The following KCNG3 variants were observed in gnomAD, a reference collection of about 807,000 sequenced individuals.
KCNG3 encodes voltage-gated potassium channel regulatory subunit KCNG3.
A neutral mutation model predicts 29.0 loss-of-function variants in KCNG3; 15 were observed. The observed-to-expected ratio is 0.52, with a 90% CI of 0.35 to 0.80. The LOEUF (loss-of-function observed/expected upper bound fraction) is 0.80, where lower values mean the gene tolerates loss of function less well. KCNG3 is among the 30% of genes least tolerant of loss of function. KCNG3 has a pLI of 0.01. For missense variants in KCNG3, 512 were observed against 605.7 expected (o/e 0.85, Z 1.62); for synonymous variants, 322 against 248.9 (o/e 1.29, Z -2.76).
intron 1 of KCNG3, among the ~76,000 whole-genome samples, chr2:42,486,299 C>A (rs746955984): frequency 2.0e-5 from 3 of 152,226 alleles, no homozygotes; most frequent in Non-Finnish European, 4.4e-5. Context: ...ACATAATTCA[C>A]CTGAATCCAG....
At chr2:42,400,614 G>A in the KCNG3 span, among the ~76,000 whole-genome samples, 1 of 152,148 alleles carries the variant, frequency 6.6e-6, no homozygotes, top group Non-Finnish European at 1.5e-5. Context: ...GAAGTTCATA[G>A]TTTTTATTAA....
intron 1 of KCNG3, among the ~76,000 whole-genome samples, chr2:42,477,225 A>G (rs1342928988): frequency 1.3e-5 from 2 of 150,562 alleles, no homozygotes; most frequent in Admixed American, 6.6e-5. Context: ...GTACTGATTA[A>G]AAAAAAATAC....
At chr2:42,410,149 ATTG>A in the KCNG3 span, among the ~76,000 whole-genome samples, 1 of 152,052 alleles carries the variant, frequency 6.6e-6, no homozygotes, top group African/African-American at 2.4e-5. Context: ...CTACTTCTTT[ATTG>A]TTGTTACCTA....
chr2:42,445,790 G>C (rs758903225), intron 1 of KCNG3, among the ~76,000 whole-genome samples: 2 of 150,582 alleles, frequency 1.3e-5, no homozygotes, highest in South Asian at 2.1e-4. Flanking sequence ...GCAGTGGCAC[G>C]ATCTCAGCTC....
At chr2:42,472,861 A>G (rs1359535019) in intron 1 of KCNG3, among the ~76,000 whole-genome samples, 1 of 147,088 alleles carries the variant, frequency 6.8e-6, no homozygotes, top group East Asian at 2.0e-4. Context: ...TATATAATCT[A>G]TAAATATATA....
At chr2:42,431,098 C>A in the KCNG3 span, among the ~76,000 whole-genome samples, 1 of 146,102 alleles carries the variant, frequency 6.8e-6, no homozygotes, top group African/African-American at 2.5e-5. Flanking sequence ...CAAAGCGAGA[C>A]CCTGTCTCCA....
the KCNG3 span, among the ~76,000 whole-genome samples, chr2:42,396,668 C>T: frequency 5.3e-5 from 8 of 152,098 alleles, no homozygotes; most frequent in Admixed American, 5.2e-4. Context: ...AAAGTTCACG[C>T]CCAAACTTCA....
the KCNG3 span, among the ~76,000 whole-genome samples, chr2:42,410,507 T>C: frequency 6.6e-6 from 1 of 152,172 alleles, no homozygotes; most frequent in Non-Finnish European, 1.5e-5. Context: ...AATGGCACCT[T>C]AGTCTAGATT....
chr2:42,492,888 C>A lies in KCNG3; in HGVS notation c.614G>T (p.Ser205Ile). The A allele has an allele frequency of 6.4e-7, 1 of 1,552,048 alleles. No individual in the cohort carries two copies. Among genetic ancestry groups the A allele is most frequent in the Non-Finnish European group, 8.7e-7 (1 of 1,155,062 alleles). Residue 205 changes from serine (S) to isoleucine (I), a missense_variant, in exon 1 of 2, where the codon AGC becomes ATC. This residue lies in a region of KCNG3 where 228 missense variants were observed against 200.0 expected (regional missense o/e 1.14). Transcript: ENST00000306078. ...DWRNAAADNR[S>I]LDDRSRYSAG... ...GGAGTACCTGCTCCGGTCATCCAGG[C>A]TGCGGTTGTCGGCGGCTGCGTTGCG...
the KCNG3 span, among the ~76,000 whole-genome samples, chr2:42,420,015 GA>G: frequency 2.0e-5 from 3 of 152,112 alleles, no homozygotes; most frequent in African/African-American, 4.8e-5. Flanking sequence ...CTGAGGTCAG[GA>G]GCTCGAGGCC....
the KCNG3 span, among the ~76,000 whole-genome samples, chr2:42,428,558 T>C: frequency 6.6e-6 from 1 of 152,026 alleles, no homozygotes; most frequent in Non-Finnish European, 1.5e-5. Context: ...AAACTCTAAT[T>C]ATTTTCACCT....
the KCNG3 span, among the ~76,000 whole-genome samples, chr2:42,403,166 G>T: frequency 6.6e-6 from 1 of 152,002 alleles, no homozygotes; most frequent in East Asian, 1.9e-4. Flanking sequence ...TTTGAGACAG[G>T]GTCTCACTCT....
the KCNG3 span, among the ~76,000 whole-genome samples, chr2:42,412,122 A>G: frequency 6.6e-6 from 1 of 152,166 alleles, no homozygotes; most frequent in Non-Finnish European, 1.5e-5. Flanking sequence ...TGGACATGAG[A>G]AGATTGTGGT....
downstream of KCNG3, among the ~76,000 whole-genome samples, chr2:42,441,565 T>A (rs1672478200): frequency 6.6e-6 from 1 of 151,950 alleles, no homozygotes; most frequent in Non-Finnish European, 1.5e-5. Context: ...ATGGGTAGCT[T>A]AACTGCCACT....
At chr2:42,486,321 C>T (rs1294851117) in intron 1 of KCNG3, among the ~76,000 whole-genome samples, 1 of 152,214 alleles carries the variant, frequency 6.6e-6, no homozygotes. Context: ...CACGTCTCAC[C>T]GTCTCCACTG....
chr2:42,482,048 T>C (rs889490706), intron 1 of KCNG3, among the ~76,000 whole-genome samples: 3 of 152,192 alleles, frequency 2.0e-5, no homozygotes, highest in African/African-American at 7.2e-5. Flanking sequence ...GGCTTCAAAC[T>C]CCTGGGCTCA....
At chr2:42,394,993 G>A in the KCNG3 span, among the ~76,000 whole-genome samples, 1 of 152,294 alleles carries the variant, frequency 6.6e-6, no homozygotes, top group Admixed American at 6.5e-5. Context: ...GTATCTGAAT[G>A]CCAAGGGGCC....
At chr2:42,430,399 TAAATAAATAAATAC>T in the KCNG3 span, among the ~76,000 whole-genome samples, 22 of 149,470 alleles carry the variant, frequency 1.5e-4, no homozygotes, top group African/African-American at 5.6e-4. Flanking sequence ...AATAAATAAA[TAAATAAATAAATAC>T]GCTAACCAAC....
intron 1 of KCNG3, among the ~76,000 whole-genome samples, chr2:42,475,284 A>G (rs1478919128): frequency 6.8e-6 from 1 of 147,756 alleles, no homozygotes; most frequent in African/African-American, 2.5e-5. Flanking sequence ...TGATCACACC[A>G]CTGTACTCCA....
Sources: gnomAD v4.1 joint callset for allele counts (sites outside exome capture counted in the v4.1 genomes callset) on GRCh38, gnomAD v4.1.1 for gene constraint, gnomAD v4.1.1 regional missense constraint, MANE v1.5 for transcripts, NCBI Gene and HGNC (gene_info 2026-07-23, HGNC 2026-07-21) for gene names.